Variants in WDPCP observed in about 807,000 individuals in gnomAD.
The protein encoded by WDPCP is WD repeat-containing and planar cell polarity effector protein fritz homolog.
Under a neutral mutation model 93.1 loss-of-function variants are expected in WDPCP, and 71 were observed. The observed-to-expected ratio is 0.76, with a 90% confidence interval of 0.63 to 0.93. WDPCP has a LOEUF of 0.93. Ranked by LOEUF, WDPCP falls within the 40% of genes least tolerant of loss-of-function variation. The probability of loss-of-function intolerance (pLI) is 0.00; values close to 1 mark genes in which losing one functional copy is unlikely to be tolerated. For missense variants in WDPCP, 844 were observed against 887.4 expected, an observed-to-expected ratio of 0.95 and a Z score of 0.62; for synonymous variants, 315 against 315.0, an observed-to-expected ratio of 1.00 and a Z score of 0.00.
intron 15 of WDPCP, among the ~76,000 whole-genome samples, chr2:63,158,074 T>C (rs1468512496): frequency 1.3e-5 from 2 of 152,310 alleles, no homozygotes; most frequent in African/African-American, 4.8e-5. Context: ...ACCATCTCTT[T>C]GACCTAGGGA....
intron 2 of WDPCP, among the ~76,000 whole-genome samples, chr2:63,799,287 T>C (rs1177344180): frequency 6.6e-6 from 1 of 152,154 alleles, no homozygotes; most frequent in Admixed American, 6.5e-5. Context: ...AAAAACTGAA[T>C]ATAAAGGAGA....
intron 2 of WDPCP, among the ~76,000 whole-genome samples, chr2:63,664,939 CACTACACT>C (rs1710266532): frequency 6.6e-6 from 1 of 152,168 alleles, no homozygotes; most frequent in Non-Finnish European, 1.5e-5. Context: ...ATGCTCTTAC[CACTACACT>C]ACACTGCCTC....
rs1559134575 is a variant in WDPCP, at chr2:63,121,958, A to T, written c.*48T>A. The T allele has an allele frequency of 6.2e-7, 1 of 1,611,854 alleles. No individual in the cohort carries two copies. Among genetic ancestry groups the T allele is most frequent in the Non-Finnish European group, 8.5e-7 (1 of 1,179,380 alleles). On this transcript the variant is annotated 3_prime_UTR_variant, in exon 18 of 18. Coordinates refer to ENST00000272321, the MANE Select transcript of WDPCP (RefSeq NM_015910.7). ...GGGGATTTTAAGTCTGTATCAGGCC[A>T]TGAAAAGTTTAGATATGAAGAAGGC...
chr2:63,743,955 T>G (rs948379498), intron 2 of WDPCP, among the ~76,000 whole-genome samples: 1 of 152,100 alleles, frequency 6.6e-6, no homozygotes, highest in African/African-American at 2.4e-5. Context: ...ATAAGCCCCT[T>G]AATGGCAGGG....
intron 13 of WDPCP, among the ~76,000 whole-genome samples, chr2:63,292,993 G>C (rs1684561741): frequency 6.6e-6 from 1 of 152,188 alleles, no homozygotes; most frequent in South Asian, 2.1e-4. Flanking sequence ...TCTGGAACGA[G>C]GGTGAGCAAA....
At chr2:63,492,967 T>C in intron 1 of WDPCP, 27 bp from the exon 2 acceptor site, 2 of 1,586,434 alleles carry the variant, frequency 1.3e-6, no homozygotes, top group Non-Finnish European at 1.7e-6. Flanking sequence ...TAAAAAGAGG[T>C]GCCAATTAAT....
At chr2:63,374,052 ATT>A (rs55949475) in intron 12 of WDPCP, among the ~76,000 whole-genome samples, 221 of 135,880 alleles carry the variant, frequency 1.6e-3, no homozygotes, top group Middle Eastern at 3.8e-3. Flanking sequence ...CAAGTTTATG[ATT>A]TTTTTTTTTT....
chr2:63,791,096 C>T (rs2104001097), intron 2 of WDPCP, among the ~76,000 whole-genome samples: 1 of 152,322 alleles, frequency 6.6e-6, no homozygotes, highest in East Asian at 1.9e-4. Flanking sequence ...TCTTGACTCA[C>T]TGCCTGACTC....
At chr2:63,464,017 A>G (rs1388046744) in intron 6 of WDPCP, among the ~76,000 whole-genome samples, 1 of 152,126 alleles carries the variant, frequency 6.6e-6, no homozygotes, top group Admixed American at 6.6e-5. Context: ...AAAACAAACA[A>G]ATGGGACATC....
intron 17 of WDPCP, among the ~76,000 whole-genome samples, chr2:63,129,635 T>C (rs1670159243): frequency 1.3e-5 from 2 of 152,156 alleles, no homozygotes; most frequent in African/African-American, 4.8e-5. Context: ...GCACATTACA[T>C]TTTTTTATTG....
intron 2 of WDPCP, among the ~76,000 whole-genome samples, chr2:63,799,827 C>G (rs950256066): frequency 6.6e-6 from 1 of 151,876 alleles, no homozygotes; most frequent in Non-Finnish European, 1.5e-5. Flanking sequence ...TTTCATTAGC[C>G]CAGCAAAATG....
At chr2:63,603,000 C>A (rs1709457234) in intron 3 of WDPCP, among the ~76,000 whole-genome samples, 1 of 146,104 alleles carries the variant, frequency 6.8e-6, no homozygotes, top group South Asian at 2.2e-4. Context: ...CGCCCTGTCG[C>A]CTAGGCTGGA....
chr2:63,629,172 T>G (rs1709840759), intron 3 of WDPCP, among the ~76,000 whole-genome samples: 1 of 152,120 alleles, frequency 6.6e-6, no homozygotes, highest in Non-Finnish European at 1.5e-5. Flanking sequence ...CCATCATAAG[T>G]CTGCTCTCTC....
intron 2 of WDPCP, among the ~76,000 whole-genome samples, chr2:63,774,267 G>A (rs1670270619): frequency 6.6e-6 from 1 of 152,074 alleles, no homozygotes; most frequent in Admixed American, 6.6e-5. Context: ...GAAAATCAGT[G>A]GAATCAGGTC....
At chr2:63,458,711 C>T (rs147517207) in intron 6 of WDPCP, among the ~76,000 whole-genome samples, 81 of 152,170 alleles carry the variant, frequency 5.3e-4, no homozygotes, top group African/African-American at 1.9e-3. Flanking sequence ...CCACTTTTCA[C>T]AGACATAGAA....
chr2:63,816,743 G>A (rs1306054995), intron 1 of WDPCP, among the ~76,000 whole-genome samples: 1 of 152,012 alleles, frequency 6.6e-6, no homozygotes, highest in Non-Finnish European at 1.5e-5. Flanking sequence ...ACTAATACAG[G>A]GATATTCCTA....
At chr2:63,413,989 A>AG (rs1485854743) in intron 9 of WDPCP, among the ~76,000 whole-genome samples, 1 of 152,030 alleles carries the variant, frequency 6.6e-6, no homozygotes, top group Non-Finnish European at 1.5e-5. Flanking sequence ...ATAAGAAAAA[A>AG]AAAATCCCAT....
intron 1 of WDPCP, among the ~76,000 whole-genome samples, chr2:63,575,645 C>T (rs1307042051): frequency 6.7e-6 from 1 of 148,480 alleles, no homozygotes; most frequent in Non-Finnish European, 1.5e-5. Context: ...AGTATATATA[C>T]TGTATACTAC....
chr2:63,173,366 T>G (rs1190208832), intron 15 of WDPCP, among the ~76,000 whole-genome samples: 2 of 152,204 alleles, frequency 1.3e-5, no homozygotes, highest in Non-Finnish European at 2.9e-5. Flanking sequence ...TTGGCTAGTT[T>G]GCCATTCTGT....
Sources: gnomAD v4.1 joint callset for allele counts (sites outside exome capture counted in the v4.1 genomes callset) on GRCh38, gnomAD v4.1.1 for gene constraint, MANE v1.5 for transcripts, NCBI Gene and HGNC (gene_info 2026-07-23, HGNC 2026-07-21) for gene names.